Variants in LMTK2 observed in about 807,000 individuals in gnomAD.
The protein encoded by LMTK2 is lemur tail kinase 2, also known as serine/threonine-protein kinase LMTK2.
Under a neutral mutation model 127.5 loss-of-function variants are expected in LMTK2, and 37 were observed. That is an observed-to-expected ratio of 0.29 (90% CI 0.22 to 0.38). The LOEUF (loss-of-function observed/expected upper bound fraction) is 0.38. LMTK2 is among the 10% of genes least tolerant of loss of function. The pLI is 1.00. For missense variants in LMTK2, 1,694 were observed against 1,920.3 expected, an observed-to-expected ratio of 0.88 and a Z score of 2.20; for synonymous variants, 819 against 810.1, an observed-to-expected ratio of 1.01 and a Z score of -0.19.
intron 6 of LMTK2, among the ~76,000 whole-genome samples, chr7:98,161,293 C>T (rs1797013009): frequency 6.6e-6 from 1 of 152,130 alleles, no homozygotes; most frequent in East Asian, 1.9e-4. Context: ...TTTAACCTAA[C>T]AAAGTCTAAA....
At chr7:98,203,801 C>G in intron 12 of LMTK2, 95 bp downstream of exon 12, 1 of 1,574,682 alleles carries the variant, frequency 6.4e-7, no homozygotes. Context: ...TTTAATGACG[C>G]CCCCTGACAT....
chr7:98,192,994 G>A lies in LMTK2; in HGVS notation c.2529G>A (p.Thr843=), dbSNP rs144138480. 24 of 1,613,902 alleles carry A rather than the reference G, an allele frequency of 1.5e-5. No homozygotes were observed. The highest frequency in any genetic ancestry group is 8.9e-5 in the East Asian group (4 of 44,882). ...CAACACAGGGAGAAACCCAGCCCAC[G>A]TGTTTAGATGTTATTGTCCCGGAGG... The part of the protein sequence containing the change: ...SLPTQGETQP[T]CLDVIVPEDC... Residue 843 remains threonine (T), a synonymous_variant, in exon 11 of 14, where the codon ACG becomes ACA. Coordinates refer to ENST00000297293, the MANE Select transcript of LMTK2 (RefSeq NM_014916.4).
intron 11 of LMTK2, among the ~76,000 whole-genome samples, chr7:98,200,933 C>G (rs1274132315): frequency 6.6e-6 from 1 of 152,086 alleles, no homozygotes; most frequent in African/African-American, 2.4e-5. Flanking sequence ...TGGAGGGCCT[C>G]CTGTCCTTCT....
chr7:98,107,301 G>A (rs1796123919), intron 1 of LMTK2, 21 bp downstream of exon 1: 7 of 1,329,808 alleles, frequency 5.3e-6, no homozygotes, highest in Non-Finnish European at 6.7e-6. Context: ...CCGCGGCGGG[G>A]ACGGGGCTGC....
intron 10 of LMTK2, 57 bp from the exon 11 acceptor site, chr7:98,191,556 CA>C (rs377130793): frequency 0.085 from 101,470 of 1,197,516 alleles, no homozygotes; most frequent in East Asian, 0.2. Flanking sequence ...CGTCTCGAAC[CA>C]AAAAAAAAAA....
At chr7:98,162,162 A>C (rs1237630168) in intron 6 of LMTK2, among the ~76,000 whole-genome samples, 6 of 152,234 alleles carry the variant, frequency 3.9e-5, no homozygotes, top group African/African-American at 1.4e-4. Flanking sequence ...TTTTAATGCT[A>C]TTTTAATGTA....
intron 3 of LMTK2, among the ~76,000 whole-genome samples, chr7:98,147,899 A>G (rs547826473): frequency 1.8e-4 from 28 of 152,266 alleles, no homozygotes; most frequent in African/African-American, 4.8e-4. Context: ...CTCTCTGAAC[A>G]TATTCATGAC....
At position 98,206,314 on chromosome 7, in the gene LMTK2, C is replaced by G. The variant is rs996227937; in HGVS notation, c.*822C>G. 2 of 152,244 alleles carry G rather than the reference C, an allele frequency of 1.3e-5. No individual in the cohort carries two copies. The highest frequency in any genetic ancestry group is 4.8e-5 in the African/African-American group (2 of 41,464). 9.4% of individuals were successfully genotyped at this position (152,244 alleles called of 1,614,324 possible). On this transcript the variant is annotated 3_prime_UTR_variant, in exon 14 of 14. Coordinates refer to ENST00000297293, the MANE Select transcript of LMTK2 (RefSeq NM_014916.4). ...TCTCTTCTTGATGAAGCGGCTTTGC[C>G]GCAGCAAATGAGGCTTCTCTCTGAG...
Position 98,172,867 on chromosome 7 carries a change from C to A in LMTK2, c.791+1193C>A, listed in dbSNP as rs192693774. Among the ~76,000 whole-genome samples, 37 of 152,308 alleles carry A rather than the reference C, an allele frequency of 2.4e-4. 1 individual carries two copies. The East Asian group carries it at 6.9e-3, about 29-fold the overall frequency. On this transcript the variant is annotated intron_variant, in intron 7 of 13. Transcript: ENST00000297293. ...CCACCGCCAGGGTTCAAGTGATTCT[C>A]CTGCCTCAGCCTTCCGAGTAGCTGG...
intron 3 of LMTK2, among the ~76,000 whole-genome samples, chr7:98,144,980 G>A (rs1232233556): frequency 6.6e-5 from 10 of 152,134 alleles, no homozygotes; most frequent in Non-Finnish European, 1.2e-4. Flanking sequence ...GCTTGTATCT[G>A]TGTTGTTTTG....
chr7:98,173,647 T>C (rs2116428653), intron 7 of LMTK2, among the ~76,000 whole-genome samples: 1 of 152,348 alleles, frequency 6.6e-6, no homozygotes, highest in East Asian at 1.9e-4. Flanking sequence ...TATTTTCCTG[T>C]GAGTTTCAAG....
rs1797446934 is a variant in LMTK2 at position 98,187,065 on chromosome 7, T to TCAA, written c.998+67_998+68insCAA. The TCAA allele has an allele frequency of 4.8e-6, 7 of 1,449,996 alleles. No individual in the cohort carries two copies. The Admixed American group carries it at 1.4e-4, about 28-fold the overall frequency. The allele number at this position is 1,449,996 out of a possible 1,614,324, so 89.8% of individuals were successfully genotyped here. The stretch of plus-strand genomic sequence containing the variant: ...AAGTCCTAACTTCTTCCTCTTTGAG[T>TCAA]ACTTCCTTAAAGGAAAGTAGTTGTA... On this transcript the variant is annotated intron_variant, in intron 9 of 13. Coordinates refer to ENST00000297293, the MANE Select transcript of LMTK2 (RefSeq NM_014916.4).
At chr7:98,140,130 C>CG (rs1364680167) in intron 2 of LMTK2, among the ~76,000 whole-genome samples, 6,787 of 35,686 alleles carry the variant, frequency 0.19, 1,990 homozygotes, top group East Asian at 0.52. Context: ...TTCTTTCTTT[C>CG]TTTCTTTCTT....
rs547369407 is a variant in LMTK2 at position 98,192,824 on chromosome 7, G to A, written c.2359G>A (p.Val787Ile). 17 of 1,613,774 alleles carry A rather than the reference G, an allele frequency of 1.1e-5. No homozygotes were observed. The highest frequency in any genetic ancestry group is 6.7e-5 in the East Asian group (3 of 44,874). Reference sequence around the variant, plus strand: ...AGGCTTGTCTTTGTTGCAGGAAAACGTAAGCACAAAGGGTGACGATACAGA... The same window carrying A: ...AGGCTTGTCTTTGTTGCAGGAAAACATAAGCACAAAGGGTGACGATACAGA... ...KPGLSLLQEN[V>I]STKGDDTDVM... is the part of the protein sequence containing the mutation. The change falls in exon 11 of 14, where the codon GTA (valine) becomes ATA (isoleucine). Residue 787 changes from valine (V) to isoleucine (I), a missense_variant. By Grantham distance (29) the Val-to-Ile change is conservative (BLOSUM62 3). Around this residue, in one of 8 missense-constraint regions of LMTK2, gnomAD observed 527 missense variants for 539.8 expected, o/e 0.98. Transcript: ENST00000297293.
chr7:98,200,017 T>A (rs1026958272), intron 11 of LMTK2, among the ~76,000 whole-genome samples: 1 of 152,256 alleles, frequency 6.6e-6, no homozygotes, highest in African/African-American at 2.4e-5. Flanking sequence ...TTATTTGTTC[T>A]ATTTTTATTT....
At chr7:98,198,525 C>T (rs1038028907) in intron 11 of LMTK2, among the ~76,000 whole-genome samples, 3 of 152,098 alleles carry the variant, frequency 2.0e-5, no homozygotes, top group Admixed American at 6.5e-5. Flanking sequence ...CTCGCTCTGT[C>T]GCCCAGGCTG....
At chr7:98,203,434 C>T in intron 11 of LMTK2, 140 bp from the exon 12 acceptor site, 2 of 1,139,728 alleles carry the variant, frequency 1.8e-6, no homozygotes, top group Middle Eastern at 2.4e-4. Flanking sequence ...GTCCGTCCTC[C>T]CAGGCCTGGA....
At chr7:98,111,179 A>G (rs1238076067) in intron 1 of LMTK2, among the ~76,000 whole-genome samples, 1 of 152,238 alleles carries the variant, frequency 6.6e-6, no homozygotes, top group East Asian at 1.9e-4. Context: ...TGAAGTTATC[A>G]AATCCTTACA....
At position 98,141,493 on chromosome 7, in the gene LMTK2, G is replaced by T. The variant is rs750051894; in HGVS notation, c.328G>T (p.Val110Leu). ...CCCAGCAGAGGTCTTCACACTTTCAGTACCAAATATTTCACTCCCAGCTCC... is the reference window on the plus strand; with the variant it reads ...CCCAGCAGAGGTCTTCACACTTTCATTACCAAATATTTCACTCCCAGCTCC... ...QSPAEVFTLS[V>L]PNISLPAPSQ... The change falls in exon 3 of 14, where the codon GTA (valine) becomes TTA (leucine). Residue 110 changes from valine to leucine, a missense_variant. Transcript: ENST00000297293. The T allele has an allele frequency of 8.7e-6, 14 of 1,613,928 alleles. No individual in the cohort carries two copies. Among genetic ancestry groups the T allele is most frequent in the Admixed American group, 1.7e-5 (1 of 60,002 alleles).
Sources: gnomAD v4.1 joint callset for allele counts (sites outside exome capture counted in the v4.1 genomes callset) on GRCh38, gnomAD v4.1.1 for gene constraint, gnomAD v4.1.1 regional missense constraint, MANE v1.5 for transcripts, NCBI Gene and HGNC (gene_info 2026-07-23, HGNC 2026-07-21) for gene names.